Variants in RANBP17 observed in about 807,000 individuals in gnomAD.
The protein encoded by RANBP17 is ran-binding protein 17.
Under a neutral mutation model 141.2 loss-of-function variants are expected in RANBP17, and 158 were observed. That is an observed-to-expected ratio of 1.12 (90% CI 0.98 to 1.28). The LOEUF (loss-of-function observed/expected upper bound fraction) is 1.28. Ranked by LOEUF, RANBP17 falls within the 50% of genes most tolerant of loss-of-function variation. RANBP17 has a pLI of 0.00. For synonymous variants in RANBP17, 430 were observed against 450.0 expected (o/e 0.96, Z 0.56); for missense variants, 1,438 against 1,290.7 (o/e 1.11, Z -1.75).
intron 16 of RANBP17, among the ~76,000 whole-genome samples, chr5:171,172,986 C>T (rs956213471): frequency 1.3e-5 from 2 of 151,440 alleles, no homozygotes; most frequent in Admixed American, 6.6e-5. Context: ...ATATTTTAAG[C>T]CAGGGGATAG....
chr5:170,928,512 T>C (rs1017822482), intron 12 of RANBP17, among the ~76,000 whole-genome samples: 1 of 152,082 alleles, frequency 6.6e-6, no homozygotes, highest in East Asian at 1.9e-4. Flanking sequence ...TTTTTGTGAA[T>C]GTTGTGAGTT....
intron 14 of RANBP17, among the ~76,000 whole-genome samples, chr5:171,004,489 T>C (rs1779441266): frequency 2.0e-5 from 3 of 152,040 alleles, no homozygotes; most frequent in African/African-American, 7.3e-5. Flanking sequence ...ACAACAGTTA[T>C]GGGGGCAAGG....
At position 171,213,752 on chromosome 5, in the gene RANBP17, C is replaced by T; in HGVS notation, c.2339+14C>T. 1 of 1,559,022 alleles carries T rather than the reference C, an allele frequency of 6.4e-7. No individual in the cohort carries two copies. The highest frequency in any genetic ancestry group is 1.1e-5 in the South Asian group (1 of 89,804). The stretch of plus-strand genomic sequence containing the variant: ...TATGCAAAACAGGTAAGCAGTGTGA[C>T]AGGCAGTGAGAAAAACAGTCTACTA... On this transcript the variant is annotated intron_variant, in intron 21 of 27. Coordinates refer to ENST00000523189, the MANE Select transcript of RANBP17 (RefSeq NM_022897.5).
chr5:171,081,992 A>G (rs1785282749), intron 14 of RANBP17, among the ~76,000 whole-genome samples: 1 of 152,140 alleles, frequency 6.6e-6, no homozygotes, highest in Admixed American at 6.6e-5. Flanking sequence ...GTAACTTTTT[A>G]GGCTTAGAAT....
At chr5:170,982,029 A>G (rs947789668) in intron 14 of RANBP17, among the ~76,000 whole-genome samples, 1 of 152,216 alleles carries the variant, frequency 6.6e-6, no homozygotes, top group Admixed American at 6.5e-5. Context: ...TGCAAGAGAT[A>G]GGAAGTTTTT....
intron 14 of RANBP17, among the ~76,000 whole-genome samples, chr5:171,112,351 T>C (rs1420715428): frequency 1.3e-5 from 2 of 152,116 alleles, no homozygotes; most frequent in East Asian, 3.9e-4. Flanking sequence ...CTGTAAAATA[T>C]TGTTTAATTC....
Position 171,265,722 on chromosome 5 carries a change from A to G in RANBP17, c.2818A>G (p.Ile940Val), listed in dbSNP as rs1766626395. The change falls in exon 25 of 28, where the codon ATC becomes GTC. Residue 940 changes from isoleucine to valine, a missense_variant. Coordinates refer to ENST00000523189, the MANE Select transcript of RANBP17 (RefSeq NM_022897.5). The stretch of plus-strand genomic sequence containing the variant: ...CAGCTGCTGTACCAGTTTAGACTAC[A>G]TCGTCACCTACCTCTTCAAGCACAT... ...SSSCCTSLDY[I>V]VTYLFKHIAK... 7 of 1,614,028 alleles carry G rather than the reference A, an allele frequency of 4.3e-6. No individual in the cohort carries two copies. The African/African-American group carries it at 5.3e-5, about 12-fold the overall frequency.
intron 14 of RANBP17, among the ~76,000 whole-genome samples, chr5:170,985,056 CA>C (rs1778047116): frequency 6.7e-6 from 1 of 148,766 alleles, no homozygotes; most frequent in Admixed American, 6.6e-5. Flanking sequence ...CACAGACACA[CA>C]CAGACACATA....
chr5:171,065,096 A>G (rs1374617422), intron 14 of RANBP17, among the ~76,000 whole-genome samples: 1 of 152,104 alleles, frequency 6.6e-6, no homozygotes, highest in Non-Finnish European at 1.5e-5. Flanking sequence ...GAATTCACTG[A>G]TTATTTCTTT....
chr5:171,155,078 GAAAAA>G (rs145976955), intron 14 of RANBP17, among the ~76,000 whole-genome samples: 21 of 75,004 alleles, frequency 2.8e-4, no homozygotes, highest in African/African-American at 1.3e-3. Context: ...ACTCCATCTA[GAAAAA>G]AAAAAAAAAA....
rs370892443 is a variant in RANBP17 at position 171,214,613 on chromosome 5, C to G, written c.2339+875C>G. The stretch of plus-strand genomic sequence containing the variant: ...ACAGCAATAATTTAAAGTTTTTACC[C>G]TAAAACAAGAGATGAAGAAAGACCT... On this transcript the variant is annotated intron_variant, in intron 21 of 27. Coordinates refer to ENST00000523189, the MANE Select transcript of RANBP17 (RefSeq NM_022897.5). 2.1e-3 allele frequency among the ~76,000 whole-genome samples: 317 copies of G among 152,126 alleles called. No individual in the cohort carries two copies. The Middle Eastern group carries it at 0.031, about 15-fold the overall frequency.
intron 24 of RANBP17, among the ~76,000 whole-genome samples, chr5:171,261,669 G>A (rs1158789849): frequency 6.6e-6 from 1 of 152,120 alleles, no homozygotes; most frequent in Non-Finnish European, 1.5e-5. Flanking sequence ...TGCTACAGAG[G>A]ACAAAATGCC....
intron 14 of RANBP17, among the ~76,000 whole-genome samples, chr5:171,034,481 A>G (rs1302990768): frequency 1.3e-5 from 2 of 152,224 alleles, no homozygotes; most frequent in Non-Finnish European, 2.9e-5. Flanking sequence ...TGAGGGGACT[A>G]TGCCTAAATG....
intron 13 of RANBP17, among the ~76,000 whole-genome samples, chr5:170,959,704 T>C (rs1008450651): frequency 2.0e-5 from 3 of 152,228 alleles, no homozygotes; most frequent in African/African-American, 7.2e-5. Context: ...ATGTTATATG[T>C]ATTCTATGCT....
Position 170,881,833 on chromosome 5 carries a change from A to G in RANBP17, c.193A>G (p.Thr65Ala). Reference sequence around the variant, plus strand: ...ATCCTATGCTCAGCTCCTTGCAGCAACATGTCTTTCAAAACTTGTCAGCCG... The same window carrying G: ...ATCCTATGCTCAGCTCCTTGCAGCAGCATGTCTTTCAAAACTTGTCAGCCG... ...TTSYAQLLAA[T>A]CLSKLVSRVS... The change falls in exon 3 of 28, where the codon ACA becomes GCA. Residue 65 changes from threonine to alanine, a missense_variant. By Grantham distance (58) the Thr-to-Ala change is moderately conservative. Transcript: ENST00000523189. 1 of 1,609,516 alleles carries G rather than the reference A, an allele frequency of 6.2e-7. No homozygotes were observed. The highest frequency in any genetic ancestry group is 8.5e-7 in the Non-Finnish European group (1 of 1,177,448).
At chr5:171,126,981 A>G (rs1756517546) in intron 14 of RANBP17, among the ~76,000 whole-genome samples, 1 of 152,230 alleles carries the variant, frequency 6.6e-6, no homozygotes, top group Admixed American at 6.5e-5. Context: ...GACATTCTAT[A>G]AGGTCGGCAA....
At chr5:171,279,919 C>A (rs565544376) in intron 25 of RANBP17, among the ~76,000 whole-genome samples, 1 of 152,118 alleles carries the variant, frequency 6.6e-6, no homozygotes, top group South Asian at 2.1e-4. Context: ...TTTCGCAGGG[C>A]CTTAACCTAC....
At chr5:171,175,076 T>C (rs1760358186) in intron 16 of RANBP17, among the ~76,000 whole-genome samples, 1 of 152,102 alleles carries the variant, frequency 6.6e-6, no homozygotes, top group Non-Finnish European at 1.5e-5. Context: ...CGTGTTAGTT[T>C]GCTGAGAATG....
intron 20 of RANBP17, among the ~76,000 whole-genome samples, chr5:171,209,471 ATTC>A (rs1191868119): frequency 6.6e-6 from 1 of 152,184 alleles, no homozygotes; most frequent in Non-Finnish European, 1.5e-5. Flanking sequence ...AAAGCTGAAA[ATTC>A]ACTGTTCAGC....
Sources: allele counts gnomAD v4.1 joint callset (sites outside exome capture counted in the v4.1 genomes callset), GRCh38; gene constraint gnomAD v4.1.1; transcripts MANE v1.5; gene names NCBI Gene and HGNC (gene_info 2026-07-23, HGNC 2026-07-21).